The following PDE4B variants were observed in gnomAD, a reference collection of about 807,000 sequenced individuals.
PDE4B encodes phosphodiesterase 4B.
In PDE4B, 20 loss-of-function variants were observed where a neutral mutation model predicts 82.2. The observed-to-expected ratio is 0.24, with a 90% CI of 0.17 to 0.35. The LOEUF (loss-of-function observed/expected upper bound fraction) is 0.35, where lower values mean the gene tolerates loss of function less well. Among genes scored for constraint, PDE4B ranks in the 10% least tolerant of loss-of-function variants. The probability of loss-of-function intolerance (pLI) is 1.00; values close to 1 mark genes in which losing one functional copy is unlikely to be tolerated. For missense variants in PDE4B, 655 were observed against 907.2 expected, an observed-to-expected ratio of 0.72 and a Z score of 3.57; for synonymous variants, 320 against 318.9, an observed-to-expected ratio of 1.00 and a Z score of -0.04.
intron 16 of PDE4B, among the ~76,000 whole-genome samples, chr1:66,370,168 A>G (rs961828634): frequency 2.0e-5 from 3 of 151,086 alleles, no homozygotes; most frequent in African/African-American, 7.3e-5. Context: ...AAAAAAAAAA[A>G]AAAAAAAAAA....
At chr1:65,932,517 T>G (rs914176996) in intron 3 of PDE4B, among the ~76,000 whole-genome samples, 1 of 151,516 alleles carries the variant, frequency 6.6e-6, no homozygotes. Flanking sequence ...TTGGGAGAGG[T>G]CACTGTTTTG....
At chr1:66,261,217 T>G (rs942858407) in intron 6 of PDE4B, among the ~76,000 whole-genome samples, 24 of 152,098 alleles carry the variant, frequency 1.6e-4, no homozygotes, top group Non-Finnish European at 2.9e-4. Context: ...GAAAACTGAG[T>G]GTCCATTTAA....
chr1:66,206,060 A>T (rs1649523633), intron 3 of PDE4B, among the ~76,000 whole-genome samples: 1 of 152,210 alleles, frequency 6.6e-6, no homozygotes, highest in African/African-American at 2.4e-5. Flanking sequence ...CAGGACACTC[A>T]TGGAGTGGCG....
chr1:66,142,791 A>G (rs1289828656), intron 3 of PDE4B, among the ~76,000 whole-genome samples: 1 of 152,148 alleles, frequency 6.6e-6, no homozygotes, highest in Non-Finnish European at 1.5e-5. Context: ...ATCTGTCCAC[A>G]TTTGGTAATT....
intron 3 of PDE4B, among the ~76,000 whole-genome samples, chr1:66,162,573 T>C (rs899552186): frequency 5.3e-5 from 8 of 152,076 alleles, no homozygotes; most frequent in Admixed American, 4.6e-4. Flanking sequence ...TCTGAAATGC[T>C]TGGGACCAGA....
At chr1:65,853,446 T>C (rs1440133202) in intron 1 of PDE4B, among the ~76,000 whole-genome samples, 1 of 152,132 alleles carries the variant, frequency 6.6e-6, no homozygotes, top group Non-Finnish European at 1.5e-5. Flanking sequence ...TCCTCTTTTA[T>C]TCTTTTTGTG....
At chr1:66,295,234 G>A (rs111800745) in intron 7 of PDE4B, among the ~76,000 whole-genome samples, 3 of 152,182 alleles carry the variant, frequency 2.0e-5, no homozygotes, top group African/African-American at 7.2e-5. Context: ...GAGTTCAAAG[G>A]GGACAGGCCC....
intron 3 of PDE4B, among the ~76,000 whole-genome samples, chr1:65,946,001 C>G (rs907467473): frequency 3.3e-5 from 5 of 151,952 alleles, no homozygotes; most frequent in Admixed American, 6.6e-5. Flanking sequence ...TCCCTAACTA[C>G]TGTTTTTCAG....
At chr1:65,897,949 C>G (rs927096570) in intron 1 of PDE4B, among the ~76,000 whole-genome samples, 1 of 152,090 alleles carries the variant, frequency 6.6e-6, no homozygotes, top group East Asian at 1.9e-4. Flanking sequence ...ACATTCCCAC[C>G]AACAGTGTAT....
Position 66,162,214 on chromosome 1 carries a change from C to T in PDE4B, c.282-85246C>T, listed in dbSNP as rs149901484. Among the ~76,000 whole-genome samples the T allele has an allele frequency of 7.2e-5, 11 of 151,948 alleles. No homozygotes were observed. The East Asian group carries it at 2.1e-3, about 29-fold the overall frequency. ...GCCCTGAGGCTCTAGGGATGTTCTC[C>T]CTCCTCACTTTATCCCTAATTAAAA... On this transcript the variant is annotated intron_variant, in intron 3 of 16. Coordinates refer to ENST00000341517, the MANE Select transcript of PDE4B (RefSeq NM_002600.4).
At chr1:65,968,778 C>T (rs958706535) in intron 3 of PDE4B, among the ~76,000 whole-genome samples, 2 of 152,032 alleles carry the variant, frequency 1.3e-5, no homozygotes, top group African/African-American at 4.8e-5. Flanking sequence ...TTTATTAACT[C>T]TCGTATTTTT....
intron 3 of PDE4B, chr1:65,992,873 T>G (rs1333733352): frequency 6.9e-6 from 11 of 1,600,934 alleles, no homozygotes; most frequent in Non-Finnish European, 7.7e-6. Context: ...AGATTTTTGT[T>G]TTGGATGGTG....
intron 3 of PDE4B, among the ~76,000 whole-genome samples, chr1:66,180,022 A>T (rs558805256): frequency 6.6e-6 from 1 of 152,308 alleles, no homozygotes; most frequent in South Asian, 2.1e-4. Flanking sequence ...AATAACTTCT[A>T]ATGCTCATGG....
At chr1:66,009,602 G>T (rs925195587) in intron 3 of PDE4B, among the ~76,000 whole-genome samples, 2 of 152,054 alleles carry the variant, frequency 1.3e-5, no homozygotes, top group African/African-American at 4.8e-5. Context: ...CAGCCACACT[G>T]CTGCACTTGG....
intron 3 of PDE4B, among the ~76,000 whole-genome samples, chr1:66,144,533 A>G (rs138886712): frequency 3.7e-4 from 56 of 152,350 alleles, no homozygotes; most frequent in African/African-American, 1.2e-3. Context: ...CCTAATGTGA[A>G]TATCCGAAAT....
At chr1:65,946,408 T>G (rs1002358735) in intron 3 of PDE4B, among the ~76,000 whole-genome samples, 1 of 151,964 alleles carries the variant, frequency 6.6e-6, no homozygotes, top group African/African-American at 2.4e-5. Context: ...GGCATAAATA[T>G]GTCTACTATG....
At chr1:66,138,356 T>C (rs1335915814) in intron 3 of PDE4B, among the ~76,000 whole-genome samples, 4 of 152,112 alleles carry the variant, frequency 2.6e-5, no homozygotes, top group Non-Finnish European at 5.9e-5. Flanking sequence ...CCGTCTCTAC[T>C]AAAAATACAA....
chr1:65,885,628 A>G (rs970932386), intron 1 of PDE4B, among the ~76,000 whole-genome samples: 14 of 151,530 alleles, frequency 9.2e-5, no homozygotes, highest in Non-Finnish European at 1.8e-4. Flanking sequence ...ACCAAACACC[A>G]CATGTTCTCA....
Position 66,367,837 on chromosome 1 carries a change from T to C in PDE4B, c.1526T>C (p.Met509Thr), listed in dbSNP as rs1468436357. 2 of 1,613,570 alleles carry C rather than the reference T, an allele frequency of 1.2e-6. No individual in the cohort carries two copies. Among genetic ancestry groups the C allele is most frequent in the Non-Finnish European group, 1.7e-6 (2 of 1,179,746 alleles). ...TKKQRQTLRK[M>T]VIDMVLATDM... ...AAGCAGCGTCAGACACTCAGGAAGATGGTTATTGACATGGTAAGACTTTAG... is the reference window on the plus strand; with the variant it reads ...AAGCAGCGTCAGACACTCAGGAAGACGGTTATTGACATGGTAAGACTTTAG... Residue 509 changes from methionine (M) to threonine (T), a missense_variant, in exon 14 of 17, where the codon ATG (methionine) becomes ACG (threonine). This residue lies in a region of PDE4B where 283 missense variants were observed against 516.4 expected (regional missense o/e 0.55). Transcript: ENST00000341517.
Sources: allele counts gnomAD v4.1 joint callset (sites outside exome capture counted in the v4.1 genomes callset), GRCh38; gene constraint gnomAD v4.1.1; regional missense constraint gnomAD v4.1.1; transcripts MANE v1.5; gene names NCBI Gene and HGNC (gene_info 2026-07-23, HGNC 2026-07-21).